TDRD5: variants seen among roughly 807,000 people sequenced by gnomAD.
TDRD5 encodes the protein tudor domain-containing protein 5.
Under a neutral mutation model 120.6 loss-of-function variants are expected in TDRD5, and 41 were observed. The observed-to-expected ratio is 0.34, with a 90% CI of 0.26 to 0.44. TDRD5 has a LOEUF of 0.44. Ranked by LOEUF, TDRD5 falls within the 20% of genes least tolerant of loss-of-function variation. The pLI, the probability that TDRD5 is intolerant of heterozygous loss-of-function variation, is 1.00. For missense variants in TDRD5, 1,006 were observed against 1,221.2 expected (o/e 0.82, Z 2.63); for synonymous variants, 430 against 433.7 (o/e 0.99, Z 0.11).
intron 17 of TDRD5, among the ~76,000 whole-genome samples, chr1:179,684,246 G>T (rs1440434527): frequency 6.6e-6 from 1 of 152,048 alleles, no homozygotes; most frequent in Admixed American, 6.5e-5. Context: ...CCCATCCTGT[G>T]TCCAAATGTT....
At chr1:179,630,959 T>C (rs1047429283) in intron 7 of TDRD5, 39 bp downstream of exon 7, 1 of 1,578,216 alleles carries the variant, frequency 6.3e-7, no homozygotes, top group African/African-American at 1.4e-5. Context: ...CTCATTTTTA[T>C]TGTCCTTATG....
chr1:179,663,541 T>A (rs980004382), intron 16 of TDRD5, 50 bp downstream of exon 16: 2 of 1,543,810 alleles, frequency 1.3e-6, no homozygotes, highest in South Asian at 2.5e-5. Context: ...AGGAAGTCCT[T>A]TCATTTTTAG....
intron 15 of TDRD5, 50 bp from the exon 16 acceptor site, chr1:179,663,298 G>T: frequency 3.9e-6 from 6 of 1,541,606 alleles, no homozygotes; most frequent in Non-Finnish European, 4.4e-6. Flanking sequence ...CCTCTTTTTG[G>T]GTCATGTTGC....
chr1:179,605,415 T>G (rs1483279119), intron 4 of TDRD5, among the ~76,000 whole-genome samples: 1 of 152,198 alleles, frequency 6.6e-6, no homozygotes, highest in Non-Finnish European at 1.5e-5. Context: ...TTAATCCTGC[T>G]ATTTGTTGCA....
chr1:179,596,565 A>T (rs900194562), intron 4 of TDRD5, among the ~76,000 whole-genome samples: 7 of 152,242 alleles, frequency 4.6e-5, no homozygotes, highest in Admixed American at 1.3e-4. Context: ...AAATGGAATC[A>T]AACAATATCT....
intron 11 of TDRD5, among the ~76,000 whole-genome samples, chr1:179,648,247 C>A (rs530255003): frequency 4.8e-5 from 7 of 145,924 alleles, no homozygotes; most frequent in Non-Finnish European, 9.1e-5. Context: ...CACATATACA[C>A]CATGGAATAC....
intron 7 of TDRD5, among the ~76,000 whole-genome samples, chr1:179,632,321 C>T (rs535341792): frequency 1.2e-4 from 18 of 151,962 alleles, no homozygotes; most frequent in Non-Finnish European, 1.9e-4. Context: ...CCAATGGCAA[C>T]ACCTCGCAAA....
At chr1:179,669,787 T>C (rs1470887594) in intron 17 of TDRD5, among the ~76,000 whole-genome samples, 1 of 152,226 alleles carries the variant, frequency 6.6e-6, no homozygotes, top group African/African-American at 2.4e-5. Flanking sequence ...CATTGCCTAC[T>C]TGCCTCTGGC....
rs930892066 is a variant in TDRD5 at position 179,634,718 on chromosome 1, G to C, written c.1299+89G>C. On this transcript the variant is annotated intron_variant, in intron 8 of 17. Transcript: ENST00000444136. ...TTTCTTTAAACCAAAATTCTTTTTA[G>C]AAAAGTCTTATTTCTGGATATATCA... 3.5e-6 allele frequency: 5 copies of C among 1,419,858 alleles called. No individual in the cohort carries two copies. In the African/African-American group the frequency reaches 4.3e-5, roughly 12 times the overall value. 88.0% of individuals were successfully genotyped at this position (1,419,858 alleles called of 1,614,324 possible). A position where few individuals can be genotyped will look rare whatever the true frequency, so the allele number is the denominator to read the frequency against.
intron 17 of TDRD5, among the ~76,000 whole-genome samples, chr1:179,676,284 G>A (rs137905233): frequency 0.34 from 51,242 of 152,006 alleles, 8,838 homozygotes; most frequent in Admixed American, 0.42. Context: ...CAGAAACTTG[G>A]TTGGTGAATT....
At chr1:179,671,949 G>GGTGTGTGTGTGT (rs111855083) in intron 17 of TDRD5, among the ~76,000 whole-genome samples, 87 of 141,806 alleles carry the variant, frequency 6.1e-4, no homozygotes, top group South Asian at 2.4e-4. Flanking sequence ...AATATTCCAT[G>GGTGTGTGTGTGT]GTGTGTGTGT....
chr1:179,666,552 C>A (rs1354227842), intron 16 of TDRD5, among the ~76,000 whole-genome samples: 3 of 152,112 alleles, frequency 2.0e-5, no homozygotes, highest in Non-Finnish European at 4.4e-5. Context: ...ATGCCATGAT[C>A]TTTTTTCCTC....
intron 15 of TDRD5, 110 bp from the exon 16 acceptor site, chr1:179,663,238 C>CT (rs1679400586): frequency 2.3e-6 from 3 of 1,280,612 alleles, no homozygotes; most frequent in South Asian, 3.2e-5. Flanking sequence ...TAATAAATAC[C>CT]TTTTTTAAAA....
intron 6 of TDRD5, among the ~76,000 whole-genome samples, chr1:179,628,321 T>C (rs965346018): frequency 5.0e-5 from 3 of 59,618 alleles, no homozygotes; most frequent in African/African-American, 5.6e-5. Flanking sequence ...TTTCTTTTCT[T>C]TTCTTTTTTT....
chr1:179,685,997 A>G (rs1051726230), intron 17 of TDRD5, among the ~76,000 whole-genome samples: 1 of 152,168 alleles, frequency 6.6e-6, no homozygotes, highest in Non-Finnish European at 1.5e-5. Flanking sequence ...AACAGGGACA[A>G]TTTGACTTCC....
chr1:179,658,564 T>G (rs564735877), intron 14 of TDRD5, among the ~76,000 whole-genome samples: 1 of 152,314 alleles, frequency 6.6e-6, no homozygotes, highest in Non-Finnish European at 1.5e-5. Flanking sequence ...GTCAACTATA[T>G]GTATAACATT....
rs1255083654 is a variant in TDRD5, at chr1:179,592,651, G to A, written c.36G>A (p.Arg12=). The stretch of plus-strand genomic sequence containing the variant: ...AAGAGCGTATACAGGAATGTCTGCG[G>A]AAGGAAATAAGGTCACTTCTCATTT... ...SEQERIQECL[R]KEIRSLLIST... Residue 12 remains arginine (R), a synonymous_variant, in exon 2 of 18, where the codon CGG becomes CGA. Coordinates refer to ENST00000444136, the MANE Select transcript of TDRD5 (RefSeq NM_001199085.3). 1 of 1,614,120 alleles carries A rather than the reference G, an allele frequency of 6.2e-7. No homozygotes were observed. The highest frequency in any genetic ancestry group is 8.5e-7 in the Non-Finnish European group (1 of 1,180,046).
intron 11 of TDRD5, among the ~76,000 whole-genome samples, chr1:179,644,983 A>AT (rs1381226917): frequency 8.1e-6 from 1 of 122,936 alleles, no homozygotes; most frequent in East Asian, 2.3e-4. Context: ...TAGTTTTATT[A>AT]TTGTTCAGTT....
At chr1:179,625,988 C>G (rs111809453) in intron 6 of TDRD5, among the ~76,000 whole-genome samples, 1 of 151,892 alleles carries the variant, frequency 6.6e-6, no homozygotes, top group African/African-American at 2.4e-5. Context: ...ACCGCATATT[C>G]TCACTCATAG....
Sources: allele counts gnomAD v4.1 joint callset (sites outside exome capture counted in the v4.1 genomes callset), GRCh38; gene constraint gnomAD v4.1.1; transcripts MANE v1.5; gene names NCBI Gene and HGNC (gene_info 2026-07-23, HGNC 2026-07-21).